TRIM46: variants seen among roughly 807,000 people sequenced by gnomAD.
TRIM46 encodes tripartite motif containing 46.
In TRIM46, 17 loss-of-function variants were observed where a neutral mutation model predicts 69.7. The observed-to-expected ratio is 0.24, with a 90% CI of 0.17 to 0.37. The LOEUF (loss-of-function observed/expected upper bound fraction) is 0.37. Ranked by LOEUF, TRIM46 falls within the 10% of genes least tolerant of loss-of-function variation. The pLI, the probability that TRIM46 is intolerant of heterozygous loss-of-function variation, is 1.00. For missense variants in TRIM46, 675 were observed against 1,025.1 expected (o/e 0.66, Z 4.66); for synonymous variants, 391 against 429.0 (o/e 0.91, Z 1.09).
Position 155,173,950 on chromosome 1 carries a change from G to T in TRIM46, c.-17G>T, listed in dbSNP as rs769367783. 7 of 1,571,352 alleles carry T rather than the reference G, an allele frequency of 4.5e-6. 1 individual carries two copies. The South Asian group carries it at 8.2e-5, about 18-fold the overall frequency. Reference sequence around the variant, plus strand: ...GCCGGGATCGGGCACCCAGGGGCGGGCGGGCACGGTAGGGCCATGGCAGAG... The same window carrying T: ...GCCGGGATCGGGCACCCAGGGGCGGTCGGGCACGGTAGGGCCATGGCAGAG... On this transcript the variant is annotated 5_prime_UTR_variant, in exon 1 of 10. Transcript: ENST00000334634.
chr1:155,178,280 G>A (rs371133164), intron 6 of TRIM46, 25 bp downstream of exon 6: 19 of 1,577,710 alleles, frequency 1.2e-5, no homozygotes, highest in Admixed American at 3.5e-5. Flanking sequence ...GGGCTCCTAG[G>A]GGGGCAGGGA....
chr1:155,180,424 GTCTC>G (rs1557815514), intron 8 of TRIM46: 3 of 378,168 alleles, frequency 7.9e-6, no homozygotes, highest in Non-Finnish European at 1.4e-5. Flanking sequence ...GTGAAACCCC[GTCTC>G]TACTAGGAAT....
At chr1:155,174,744 T>G in intron 1 of TRIM46, 1 of 1,457,608 alleles carries the variant, frequency 6.9e-7, no homozygotes, top group East Asian at 2.6e-5. Context: ...GGGCTCTTGA[T>G]TCCCCCGCTA....
intron 1 of TRIM46, chr1:155,174,939 A>C: frequency 7.2e-7 from 1 of 1,390,654 alleles, no homozygotes; most frequent in Non-Finnish European, 9.3e-7. Context: ...ATGGAGTGCC[A>C]ACCTCGCCTG....
chr1:155,175,810 CTAATT>C lies in TRIM46; in HGVS notation c.326-72_326-68del. 6.4e-7 allele frequency: 1 copy of C among 1,574,068 alleles called. No homozygotes were observed. Among genetic ancestry groups the C allele is most frequent in the South Asian group, 1.1e-5 (1 of 87,532 alleles). On this transcript the variant is annotated intron_variant, in intron 2 of 9. Coordinates refer to ENST00000334634, the MANE Select transcript of TRIM46 (RefSeq NM_025058.5). The surrounding 1 kb of genome is among the most constrained non-coding windows in gnomAD (Gnocchi z 4.2). ...AGCTGAGCTCTGGCACAATGAAAAT[CTAATT>C]TAATTAAACAGGCTTCCCCACACCC...
At chr1:155,177,327 C>G in intron 5 of TRIM46, 37 bp downstream of exon 5, 1 of 1,570,086 alleles carries the variant, frequency 6.4e-7, no homozygotes, top group Non-Finnish European at 8.8e-7. Flanking sequence ...TGGGCCCTGC[C>G]TGGGAGTAGG....
At chr1:155,174,550 C>A (rs1357582564) in intron 1 of TRIM46, 1 of 1,387,186 alleles carries the variant, frequency 7.2e-7, no homozygotes, top group Admixed American at 2.4e-5. Context: ...CAACCGTGTT[C>A]CCCCCCACCA....
chr1:155,178,417 G>A (rs1373491822), intron 6 of TRIM46, 75 bp from the exon 7 acceptor site: 8 of 1,603,594 alleles, frequency 5.0e-6, no homozygotes, highest in Non-Finnish European at 6.8e-6. Context: ...GGCTCTAGGG[G>A]CAAGCAAGAC....
In TRIM46 at chr1:155,182,012, C is replaced by T. The variant is rs1241837433; in HGVS notation, c.1749C>T (p.Gly583=). 20 of 1,613,376 alleles carry T rather than the reference C, an allele frequency of 1.2e-5. No individual in the cohort carries two copies. The highest frequency in any genetic ancestry group is 5.5e-5 in the South Asian group (5 of 91,050). ...GCHLSVDVVL[G]DVAVTQGRSY... The stretch of plus-strand genomic sequence containing the variant: ...ACCTGAGTGTGGATGTGGTCCTGGG[C>T]GACGTGGCTGTGACCCAGGGCCGCA... Residue 583 remains glycine, a synonymous_variant, in exon 9 of 10, where the codon GGC becomes GGT. Transcript: ENST00000334634.
intron 1 of TRIM46, 150 bp downstream of exon 1, chr1:155,174,179 G>C (rs1375613089): frequency 2.2e-6 from 2 of 918,574 alleles, no homozygotes; most frequent in African/African-American, 3.3e-5. Context: ...CGGGATGCAG[G>C]TATGAGAGGG....
In TRIM46 at chr1:155,176,122, C is replaced by T. The variant is rs760145363; in HGVS notation, c.560C>T (p.Thr187Ile). 1.8e-5 allele frequency: 29 copies of T among 1,614,008 alleles called. No homozygotes were observed. In the South Asian group the frequency reaches 3.1e-4, roughly 17 times the overall value. ...CCACTAGAGGCCACCAAGGGCTGCA[C>T]AGAGTGCCGCGCCACCTTCTGCAAT... ...PPPLEATKGC[T>I]ECRATFCNEC... The change falls in exon 3 of 10, where the codon ACA becomes ATA. Residue 187 changes from threonine (T) to isoleucine (I), a missense_variant. By Grantham distance (89) the Thr-to-Ile change is moderately conservative. This residue lies in a region of TRIM46 where 170 missense variants were observed against 255.6 expected (regional missense o/e 0.67). Transcript: ENST00000334634.
At chr1:155,182,183 G>A (rs1344460315) in intron 9 of TRIM46, 34 bp downstream of exon 9, 1 of 1,601,614 alleles carries the variant, frequency 6.2e-7, no homozygotes. Context: ...GGGTGTGGGG[G>A]TCCTGGTGGG....
At chr1:155,176,353 C>G (rs776413918) in intron 3 of TRIM46, 122 bp downstream of exon 3, 97 of 900,314 alleles carry the variant, frequency 1.1e-4, no homozygotes, top group Non-Finnish European at 1.6e-4. Context: ...AAGCACCTAT[C>G]TCTGTAATCT....
Position 155,176,201 on chromosome 1 carries a change from C to T in TRIM46, c.639C>T (p.Pro213=), listed in dbSNP as rs1489445168. The T allele has an allele frequency of 6.2e-7, 1 of 1,609,546 alleles. No individual in the cohort carries two copies. Among genetic ancestry groups the T allele is most frequent in the Non-Finnish European group, 8.5e-7 (1 of 1,179,722 alleles). Residue 213 remains proline (P), a synonymous_variant, in exon 3 of 10, where the codon CCC becomes CCT. Transcript: ENST00000334634. The part of the protein sequence containing the change: ...PWGTQKAQHE[P]TLPTLSFRPK... ...GCACCCAGAAGGCCCAGCATGAGCC[C>T]ACCCTGCCTACCCTCTCCTTCCGAC...
In TRIM46 at chr1:155,184,170, G is replaced by A. The variant is rs1241057273; in HGVS notation, c.2260G>A (p.Gly754Ser). The A allele has an allele frequency of 6.2e-7, 1 of 1,611,054 alleles. No homozygotes were observed. Residue 754 changes from glycine to serine, a missense_variant, in exon 10 of 10, where the codon GGC becomes AGC. Physicochemically the swap from Gly to Ser is moderately conservative, Grantham distance 56. This residue lies in a region of TRIM46 where 108 missense variants were observed against 153.0 expected (regional missense o/e 0.71). Transcript: ENST00000334634. The surrounding 1 kb of genome is among the most constrained non-coding windows in gnomAD (Gnocchi z 5.6). ...GCCTGAGAGGAAAGTCACCATTGGG[G>A]GCTTCGCCAAGCTGGACTGAGCCTT... ...TKPERKVTIG[G>S]FAKLD
chr1:155,174,142 A>G, intron 1 of TRIM46, 113 bp downstream of exon 1: 1 of 1,244,058 alleles, frequency 8.0e-7, no homozygotes. Context: ...ACAGGGGGCT[A>G]GCGATGGCAG....
At position 155,178,496 on chromosome 1, in the gene TRIM46, G is replaced by A. The variant is rs762450576; in HGVS notation, c.1168G>A (p.Ala390Thr). ...QAAKQLHNRI[A>T]RATEALQTFR... ...CCTTTCTTGCCCCCATCCCAGGATT[G>A]CCCGAGCCACTGAAGCCCTCCAGAC... The change falls in exon 7 of 10, where the codon GCC (alanine) becomes ACC (threonine). Residue 390 changes from alanine to threonine, a missense_variant. Physicochemically the swap from Ala to Thr is moderately conservative, Grantham distance 58. Coordinates refer to ENST00000334634, the MANE Select transcript of TRIM46 (RefSeq NM_025058.5). 24 of 1,613,784 alleles carry A rather than the reference G, an allele frequency of 1.5e-5. No individual in the cohort carries two copies. The South Asian group carries it at 2.6e-4, about 18-fold the overall frequency.
In TRIM46 at chr1:155,175,410, G is replaced by C. The variant is rs1238209298; in HGVS notation, c.88G>C (p.Glu30Gln). The C allele has an allele frequency of 1.2e-6, 2 of 1,614,078 alleles. No homozygotes were observed. Among genetic ancestry groups the C allele is most frequent in the Non-Finnish European group, 1.7e-6 (2 of 1,179,970 alleles). ...GACCAGCATGAAGAACATGGAGAAG[G>C]AACTGCTGTGCCCAGTGTGTCAAGA... Reference protein sequence around the residue: ...ISTSMKNMEKELLCPVCQEMY... With the variant: ...ISTSMKNMEKQLLCPVCQEMY... Residue 30 changes from glutamate to glutamine, a missense_variant, in exon 2 of 10, where the codon GAA (glutamate) becomes CAA (glutamine). Coordinates refer to ENST00000334634, the MANE Select transcript of TRIM46 (RefSeq NM_025058.5). The surrounding 1 kb of genome is among the most constrained non-coding windows in gnomAD (Gnocchi z 4.2).
intron 5 of TRIM46, among the ~76,000 whole-genome samples, 190 bp downstream of exon 5, chr1:155,177,480 G>A (rs1665759139): frequency 6.6e-6 from 1 of 152,170 alleles, no homozygotes. Flanking sequence ...TGCAGGAGGG[G>A]GCAGGGTGGC....
Sources: gnomAD v4.1 joint callset for allele counts (sites outside exome capture counted in the v4.1 genomes callset) on GRCh38, gnomAD v4.1.1 for gene constraint, gnomAD v4.1.1 regional missense constraint, Gnocchi (gnomAD v3.1) non-coding constraint, MANE v1.5 for transcripts, NCBI Gene and HGNC (gene_info 2026-07-23, HGNC 2026-07-21) for gene names.